PXDN: variants seen among roughly 807,000 people sequenced by gnomAD.
PXDN encodes the protein peroxidasin homolog.
PXDN carries 77 observed loss-of-function variants against 140.3 expected under a neutral mutation model. That is an observed-to-expected ratio of 0.55 (90% confidence interval 0.46 to 0.66). The LOEUF is 0.66. Among genes scored for constraint, PXDN ranks in the 30% least tolerant of loss-of-function variants. PXDN has a pLI of 0.00. For synonymous variants in PXDN, 911 were observed against 857.4 expected (o/e 1.06, Z -1.09); for missense variants, 1,838 against 2,039.5 (o/e 0.90, Z 1.90).
chr2:1,732,596 G>C (rs1685336676), intron 1 of PXDN, among the ~76,000 whole-genome samples: 2 of 152,150 alleles, frequency 1.3e-5, no homozygotes, highest in South Asian at 4.1e-4. Context: ...CTCCAATCCT[G>C]CCCAACACAT....
chr2:1,668,114 T>C (rs998736896), intron 9 of PXDN, among the ~76,000 whole-genome samples: 5 of 151,864 alleles, frequency 3.3e-5, no homozygotes, highest in East Asian at 1.9e-4. Context: ...ATATAGACAA[T>C]AGAACAGAAC....
chr2:1,676,089 C>T (rs1317038829), intron 8 of PXDN, among the ~76,000 whole-genome samples: 2 of 152,128 alleles, frequency 1.3e-5, no homozygotes, highest in African/African-American at 4.8e-5. Flanking sequence ...CCCCAGGTGC[C>T]TTCCGGCAAT....
chr2:1,723,462 A>T (rs1309660371), intron 1 of PXDN, among the ~76,000 whole-genome samples: 1 of 152,194 alleles, frequency 6.6e-6, no homozygotes, highest in Non-Finnish European at 1.5e-5. Flanking sequence ...ATGAATGGAC[A>T]GATGGATGAA....
chr2:1,661,132 A>G (rs1184136315), intron 13 of PXDN, 95 bp from the exon 14 acceptor site: 5 of 1,448,992 alleles, frequency 3.5e-6, no homozygotes, highest in Non-Finnish European at 4.7e-6. Context: ...ATTTGTTAGG[A>G]TTTGCAAATG....
chr2:1,655,348 A>G (rs940330460), intron 14 of PXDN, among the ~76,000 whole-genome samples: 7 of 150,166 alleles, frequency 4.7e-5, no homozygotes, highest in African/African-American at 1.7e-4. Flanking sequence ...CACACACACC[A>G]CACATATAGT....
At chr2:1,680,462 C>CCTGG in intron 6 of PXDN, 100 bp from the exon 7 acceptor site, 2 of 1,396,166 alleles carry the variant, frequency 1.4e-6, no homozygotes, top group Non-Finnish European at 2.0e-6. Flanking sequence ...GAAACATGTG[C>CCTGG]CAGGCCTGCC....
At chr2:1,658,801 C>T (rs1297377703) in intron 14 of PXDN, among the ~76,000 whole-genome samples, 1 of 136,044 alleles carries the variant, frequency 7.4e-6, no homozygotes, top group East Asian at 2.6e-4. Flanking sequence ...CCCCACTCTA[C>T]TCTCCCAGAC....
intron 1 of PXDN, among the ~76,000 whole-genome samples, chr2:1,724,138 C>G (rs1685118446): frequency 6.6e-6 from 1 of 152,174 alleles, no homozygotes; most frequent in Admixed American, 6.5e-5. Context: ...AGCCATGTTT[C>G]TTTCCCACAA....
intron 8 of PXDN, among the ~76,000 whole-genome samples, chr2:1,674,512 GCAAGGACCT>G (rs942846273): frequency 2.0e-5 from 3 of 152,234 alleles, no homozygotes; most frequent in African/African-American, 7.2e-5. Context: ...TCCTCGGGCA[GCAAGGACCT>G]CCCCTGGGGC....
intron 16 of PXDN, among the ~76,000 whole-genome samples, chr2:1,650,168 T>C (rs1292580949): frequency 6.6e-6 from 1 of 152,204 alleles, no homozygotes; most frequent in Non-Finnish European, 1.5e-5. Context: ...TGAGGCTTCA[T>C]GCTGTTCCCT....
intron 1 of PXDN, among the ~76,000 whole-genome samples, chr2:1,707,550 T>C (rs1285444505): frequency 6.6e-6 from 1 of 152,228 alleles, no homozygotes; most frequent in Non-Finnish European, 1.5e-5. Context: ...GTGTAAATAA[T>C]CAACCCACAC....
chr2:1,664,091 G>A (rs747598710), intron 11 of PXDN: 13 of 274,370 alleles, frequency 4.7e-5, no homozygotes, highest in Non-Finnish European at 8.3e-5. Flanking sequence ...AGGATTGAGT[G>A]CTGGAGATGA....
intron 1 of PXDN, among the ~76,000 whole-genome samples, chr2:1,715,275 A>G (rs769857107): frequency 2.0e-5 from 3 of 152,126 alleles, no homozygotes; most frequent in Non-Finnish European, 2.9e-5. Flanking sequence ...GTCATCTGCT[A>G]AAGAACCAGG....
intron 7 of PXDN, among the ~76,000 whole-genome samples, chr2:1,679,306 CTG>C (rs767049824): frequency 1.5e-5 from 2 of 134,598 alleles, no homozygotes; most frequent in South Asian, 2.4e-4. Flanking sequence ...TGGTTTATGT[CTG>C]TGTGTCTATA....
intron 1 of PXDN, among the ~76,000 whole-genome samples, chr2:1,709,402 G>A (rs891280964): frequency 3.3e-5 from 5 of 152,168 alleles, no homozygotes; most frequent in Non-Finnish European, 7.4e-5. Context: ...CACTGTGCAC[G>A]GCCCCACAGA....
At chr2:1,650,703 A>G (rs1000501590) in intron 16 of PXDN, among the ~76,000 whole-genome samples, 13 of 152,052 alleles carry the variant, frequency 8.5e-5, no homozygotes, top group Admixed American at 5.9e-4. Flanking sequence ...GCACACACAC[A>G]TGCACGCTTA....
Position 1,648,749 on chromosome 2 carries a change from C to T in PXDN, c.3031G>A (p.Gly1011Ser), listed in dbSNP as rs1266666214. 1.2e-5 allele frequency: 19 copies of T among 1,603,328 alleles called. No individual in the cohort carries two copies. The highest frequency in any genetic ancestry group is 1.5e-5 in the Non-Finnish European group (18 of 1,175,648). ...ELLKLNPHWD[G>S]DTIYYETRKI... ...CTGGTCTCATAGTAGATGGTGTCGC[C>T]GTCCCAGTGCGGGTTCAGCTTGAGC... Residue 1011 changes from glycine to serine, a missense_variant, in exon 17 of 23, where the codon GGC becomes AGC. Gly to Ser is a moderately conservative substitution (Grantham distance 56). Coordinates refer to ENST00000252804, the MANE Select transcript of PXDN (RefSeq NM_012293.3). The surrounding 1 kb of genome is among the most constrained non-coding windows in gnomAD (Gnocchi z 8.9).
At position 1,662,081 on chromosome 2, in the gene PXDN, G is replaced by T; in HGVS notation, c.1671C>A (p.Thr557=). ...GCACCAGACCGCCTACCTTGTTCCA[G>T]GTGATGGCTGGCTCGGGCTCGCCCT... ...SSQGEPEPAI[T]WNKDGVQVTE... The change falls in exon 13 of 23, where the codon ACC becomes ACA. Residue 557 remains threonine (T), a synonymous_variant. Transcript: ENST00000252804. The T allele has an allele frequency of 6.3e-7, 1 of 1,593,184 alleles. No homozygotes were observed. The highest frequency in any genetic ancestry group is 8.5e-7 in the Non-Finnish European group (1 of 1,170,126).
rs998693272 is a variant in PXDN at position 1,684,147 on chromosome 2, G to C, written c.421C>G (p.Leu141Val). ...KGLASLEQLY[L>V]HFNQIETLDP... ...AAAGTTTCTATCTGATTAAAGTGCAGGTATCTAGAGGAGTTAAAAGAAAAA... is the reference window on the plus strand; with the variant it reads ...AAAGTTTCTATCTGATTAAAGTGCACGTATCTAGAGGAGTTAAAAGAAAAA... Residue 141 changes from leucine (L) to valine (V), a missense_variant, in exon 5 of 23, where the codon CTG becomes GTG. Physicochemically the swap from Leu to Val is conservative, Grantham distance 32. Around this residue, in one of 5 missense-constraint regions of PXDN, gnomAD observed 231 missense variants for 201.5 expected, o/e 1.15. Transcript: ENST00000252804. The C allele has an allele frequency of 6.3e-7, 1 of 1,576,536 alleles. No homozygotes were observed. Among genetic ancestry groups the C allele is most frequent in the Non-Finnish European group, 8.6e-7 (1 of 1,160,124 alleles).
Sources: gnomAD v4.1 joint callset for allele counts (sites outside exome capture counted in the v4.1 genomes callset) on GRCh38, gnomAD v4.1.1 for gene constraint, gnomAD v4.1.1 regional missense constraint, Gnocchi (gnomAD v3.1) non-coding constraint, MANE v1.5 for transcripts, NCBI Gene and HGNC (gene_info 2026-07-23, HGNC 2026-07-21) for gene names.